The following TRAF1 variants were observed in gnomAD, a reference collection of about 807,000 sequenced individuals.
TRAF1 encodes TNF receptor-associated factor 1.
Under a neutral mutation model 40.9 loss-of-function variants are expected in TRAF1, and 23 were observed. That is an observed-to-expected ratio of 0.56 (90% CI 0.40 to 0.80). The LOEUF is 0.80. Ranked by LOEUF, TRAF1 falls within the 30% of genes least tolerant of loss-of-function variation. TRAF1 has a pLI of 0.00. For synonymous variants in TRAF1, 206 were observed against 218.8 expected, an observed-to-expected ratio of 0.94 and a Z score of 0.52; for missense variants, 477 against 528.7, an observed-to-expected ratio of 0.90 and a Z score of 0.96.
At chr9:120,923,407 T>C (rs193196298) in intron 3 of TRAF1, among the ~76,000 whole-genome samples, 7 of 152,298 alleles carry the variant, frequency 4.6e-5, no homozygotes, top group Admixed American at 1.3e-4. Context: ...TTTGAAAATA[T>C]AAAAACCACT....
At chr9:120,908,912 T>C (rs1322377440) in intron 7 of TRAF1, among the ~76,000 whole-genome samples, 1 of 152,058 alleles carries the variant, frequency 6.6e-6, no homozygotes, top group Admixed American at 6.6e-5. Flanking sequence ...GCCCAGGCTG[T>C]CTCAAACTCC....
chr9:120,905,337 G>T (rs756345357), intron 7 of TRAF1, 99 bp from the exon 8 acceptor site: 2 of 1,261,242 alleles, frequency 1.6e-6, no homozygotes, highest in Non-Finnish European at 2.2e-6. Flanking sequence ...CCTACTGCCT[G>T]TGCAGCCCCT....
At chr9:120,909,088 G>T in intron 7 of TRAF1, 142 bp downstream of exon 7, 1 of 1,066,916 alleles carries the variant, frequency 9.4e-7, no homozygotes, top group Non-Finnish European at 1.4e-6. Context: ...TACTAGATCT[G>T]ATTGTTTTAT....
intron 6 of TRAF1, among the ~76,000 whole-genome samples, chr9:120,910,672 T>C (rs2046519540): frequency 6.6e-6 from 1 of 152,228 alleles, no homozygotes; most frequent in African/African-American, 2.4e-5. Context: ...GTTAGGATTA[T>C]AGACATGAGC....
At chr9:120,920,294 T>C (rs370108941) in intron 3 of TRAF1, among the ~76,000 whole-genome samples, 26 of 152,306 alleles carry the variant, frequency 1.7e-4, no homozygotes, top group African/African-American at 6.3e-4. Flanking sequence ...GAGGAGAATG[T>C]TGCATCACTC....
At chr9:120,925,545 G>A (rs2046633452) in intron 2 of TRAF1, among the ~76,000 whole-genome samples, 1 of 152,246 alleles carries the variant, frequency 6.6e-6, no homozygotes, top group African/African-American at 2.4e-5. Flanking sequence ...GTTTATATTT[G>A]TTATTATAAG....
chr9:120,921,527 G>A (rs1344783147), intron 3 of TRAF1, among the ~76,000 whole-genome samples: 2 of 152,140 alleles, frequency 1.3e-5, no homozygotes, highest in African/African-American at 4.8e-5. Context: ...CATTCAAGCA[G>A]GTAAGGGCCT....
Position 120,925,848 on chromosome 9 carries a change from T to C in TRAF1, c.140+88A>G. 6 of 1,577,728 alleles carry C rather than the reference T, an allele frequency of 3.8e-6. No homozygotes were observed. The South Asian group carries it at 6.8e-5, about 18-fold the overall frequency. The stretch of plus-strand genomic sequence containing the variant: ...AGAGAAGAAAAGTCACCGCCTGAAG[T>C]CACAGGCTCCTCTGCCCCTCACCTC... On this transcript the variant is annotated intron_variant, in intron 2 of 7. Transcript: ENST00000373887.
intron 6 of TRAF1, 70 bp downstream of exon 6, chr9:120,911,266 A>C: frequency 6.5e-7 from 1 of 1,536,122 alleles, no homozygotes. Context: ...GGCAGTTTTC[A>C]CTGCTTGCTT....
At chr9:120,919,066 G>C (rs1389938097) in intron 3 of TRAF1, among the ~76,000 whole-genome samples, 1 of 152,178 alleles carries the variant, frequency 6.6e-6, no homozygotes, top group African/African-American at 2.4e-5. Context: ...CCTTGCCTGG[G>C]GTGGCCTCAC....
Position 120,926,087 on chromosome 9 carries a change from A to C in TRAF1, c.-12T>G. 1 of 1,562,036 alleles carries C rather than the reference A, an allele frequency of 6.4e-7. No individual in the cohort carries two copies. Among genetic ancestry groups the C allele is most frequent in the South Asian group, 1.2e-5 (1 of 82,638 alleles). ...GAGCTGGAGGCCATCTCAGGGTTCC[A>C]GGCTGGCCAGAGGGCCTGTTTAAGT... On this transcript the variant is annotated 5_prime_UTR_variant, in exon 2 of 8. Coordinates refer to ENST00000373887, the MANE Select transcript of TRAF1 (RefSeq NM_005658.5).
At chr9:120,908,077 A>T (rs1226587402) in intron 7 of TRAF1, among the ~76,000 whole-genome samples, 3 of 118,848 alleles carry the variant, frequency 2.5e-5, no homozygotes, top group Non-Finnish European at 3.1e-5. Context: ...TATTATTATT[A>T]TTATTTTATT....
intron 3 of TRAF1, among the ~76,000 whole-genome samples, chr9:120,916,556 G>A (rs796533853): frequency 6.6e-5 from 10 of 152,042 alleles, no homozygotes; most frequent in African/African-American, 1.9e-4. Context: ...GAGGTCTTTC[G>A]GACTGAGCAA....
chr9:120,906,176 T>G (rs908245459), intron 7 of TRAF1, among the ~76,000 whole-genome samples: 2 of 92,596 alleles, frequency 2.2e-5, no homozygotes, highest in African/African-American at 3.3e-5. Context: ...ATGGTGTGTT[T>G]TTTTTTTTTT....
Position 120,905,086 on chromosome 9 carries a change from T to C in TRAF1, c.1185A>G (p.Ser395=), listed in dbSNP as rs751835432. Residue 395 remains serine (S), a synonymous_variant, in exon 8 of 8, where the codon TCA becomes TCG. Coordinates refer to ENST00000373887, the MANE Select transcript of TRAF1 (RefSeq NM_005658.5). ...PLFFPLSKLQ[S]PKHAYVKDDT... ...CGTCCTTCACGTAGGCGTGCTTGGGTGACTGCAGTTTGCTGAGGGGGAAGA... is the reference window on the plus strand; with the variant it reads ...CGTCCTTCACGTAGGCGTGCTTGGGCGACTGCAGTTTGCTGAGGGGGAAGA... The C allele has an allele frequency of 1.9e-6, 3 of 1,614,214 alleles. No homozygotes were observed. The highest frequency in any genetic ancestry group is 8.5e-7 in the Non-Finnish European group (1 of 1,180,042).
At chr9:120,924,804 A>G (rs369378904) in intron 2 of TRAF1, among the ~76,000 whole-genome samples, 33 of 152,326 alleles carry the variant, frequency 2.2e-4, no homozygotes, top group African/African-American at 7.7e-4. Context: ...ATGAGGCCCC[A>G]GAGGGCATGT....
At chr9:120,928,962 G>C (rs1243961811), upstream of TRAF1, among the ~76,000 whole-genome samples, 1 of 152,000 alleles carries the variant, frequency 6.6e-6, no homozygotes, top group South Asian at 2.1e-4. Context: ...AGTTGAGTCC[G>C]GGGCGGTCTC....
At position 120,913,373 on chromosome 9, in the gene TRAF1, G is replaced by T; in HGVS notation, c.660C>A (p.His220Gln). 6.2e-7 allele frequency: 1 copy of T among 1,613,862 alleles called. No homozygotes were observed. The highest frequency in any genetic ancestry group is 8.5e-7 in the Non-Finnish European group (1 of 1,179,978). ...TGCGCTCACGGTCCAGCTGGCTCTGGTGGATAGAGGTGGCCAGGGCCAGGT... is the reference window on the plus strand; with the variant it reads ...TGCGCTCACGGTCCAGCTGGCTCTGTTGGATAGAGGTGGCCAGGGCCAGGT... ...ASHLALATSI[H>Q]QSQLDRERIL... Residue 220 changes from histidine to glutamine, a missense_variant, in exon 5 of 8, where the codon CAC (histidine) becomes CAA (glutamine). By Grantham distance (24) the His-to-Gln change is conservative (BLOSUM62 0). Transcript: ENST00000373887.
chr9:120,921,795 G>C (rs1291477072), intron 3 of TRAF1, among the ~76,000 whole-genome samples: 1 of 152,174 alleles, frequency 6.6e-6, no homozygotes, highest in Non-Finnish European at 1.5e-5. Flanking sequence ...GGTGGGACAG[G>C]AAATTCCCCT....
Sources: gnomAD v4.1 joint callset for allele counts (sites outside exome capture counted in the v4.1 genomes callset) on GRCh38, gnomAD v4.1.1 for gene constraint, MANE v1.5 for transcripts, NCBI Gene and HGNC (gene_info 2026-07-23, HGNC 2026-07-21) for gene names.